The following SMG6 variants were observed in gnomAD, a reference collection of about 807,000 sequenced individuals.
The protein encoded by SMG6 is telomerase-binding protein EST1A.
A neutral mutation model predicts 142.2 loss-of-function variants in SMG6; 66 were observed. The observed-to-expected ratio is 0.46, with a 90% CI of 0.38 to 0.57. The LOEUF is 0.57. SMG6 is among the 20% of genes least tolerant of loss of function. The pLI is 0.00. For synonymous variants in SMG6, 779 were observed against 702.4 expected, an observed-to-expected ratio of 1.11 and a Z score of -1.72; for missense variants, 1,793 against 1,832.0, an observed-to-expected ratio of 0.98 and a Z score of 0.39.
At chr17:2,181,289 C>G (rs550788873) in intron 12 of SMG6, among the ~76,000 whole-genome samples, 190 of 152,310 alleles carry the variant, frequency 1.2e-3, no homozygotes, top group Middle Eastern at 6.8e-3. Flanking sequence ...TCTGAAGACT[C>G]TGAGGTGGGA....
chr17:2,177,065 G>C (rs892962629), intron 12 of SMG6, among the ~76,000 whole-genome samples: 1 of 152,124 alleles, frequency 6.6e-6, no homozygotes, highest in African/African-American at 2.4e-5. Flanking sequence ...GTTGTTTGGG[G>C]GATATTGACT....
chr17:2,158,807 C>T (rs1294090899), intron 13 of SMG6, among the ~76,000 whole-genome samples: 1 of 145,272 alleles, frequency 6.9e-6, no homozygotes, highest in Non-Finnish European at 1.5e-5. Flanking sequence ...GTCCCAGCTA[C>T]TGGGGAGGCT....
At chr17:2,283,016 CA>C (rs1204992522) in intron 7 of SMG6, among the ~76,000 whole-genome samples, 157 bp from the exon 8 acceptor site, 1 of 151,982 alleles carries the variant, frequency 6.6e-6, no homozygotes, top group Non-Finnish European at 1.5e-5. Context: ...ACTAAAAATA[CA>C]AAATTAGCTG....
chr17:2,168,066 C>T (rs1161967677), intron 13 of SMG6, among the ~76,000 whole-genome samples: 2 of 152,174 alleles, frequency 1.3e-5, no homozygotes, highest in Middle Eastern at 3.2e-3. Flanking sequence ...CAAGGCCTCA[C>T]TATGTCACCC....
rs575346029 is a variant in SMG6, at chr17:2,205,428, T to C, written c.2870-16913A>G. Among the ~76,000 whole-genome samples, 10 of 152,308 alleles carry C rather than the reference T, an allele frequency of 6.6e-5. No individual in the cohort carries two copies. In the South Asian group the frequency reaches 2.1e-3, roughly 32 times the overall value. ...AGATTAAAATTTTTTATATTTACTC[T>C]TTTATACCACAATTCACAAAAGATT... On this transcript the variant is annotated intron_variant, in intron 10 of 18. Transcript: ENST00000263073.
chr17:2,254,353 G>C (rs1444052457), intron 8 of SMG6, among the ~76,000 whole-genome samples: 2 of 152,140 alleles, frequency 1.3e-5, no homozygotes, highest in East Asian at 3.9e-4. Context: ...TGTTGTTGTT[G>C]AGACAGAGTC....
chr17:2,203,565 A>G (rs990446935), intron 10 of SMG6, among the ~76,000 whole-genome samples: 10 of 152,258 alleles, frequency 6.6e-5, no homozygotes, highest in South Asian at 2.1e-4. Context: ...GGTAGTCCCT[A>G]TGGAATCCCA....
rs1263864250 is a variant in SMG6, at chr17:2,144,074, T to G, written c.3357+28584A>C. 8.6e-5 allele frequency among the ~76,000 whole-genome samples: 6 copies of G among 70,040 alleles called. No homozygotes were observed. The East Asian group carries it at 2.8e-3, about 33-fold the overall frequency. The allele number at this position is 70,040 out of a possible 152,430, so 45.9% of individuals were successfully genotyped here. A position where few individuals can be genotyped will look rare whatever the true frequency, so the allele number is the denominator to read the frequency against. ...CTTTTTTTTTTTTTTTTTTTTTTTT[T>G]TGAGATGCAGTTTCACTCTTGTTGC... On this transcript the variant is annotated intron_variant, in intron 13 of 18. Transcript: ENST00000263073.
chr17:2,208,458 C>G (rs527822592), intron 10 of SMG6, among the ~76,000 whole-genome samples: 1 of 152,326 alleles, frequency 6.6e-6, no homozygotes, highest in Non-Finnish European at 1.5e-5. Flanking sequence ...CTAGAAATCC[C>G]AACAGGGAGG....
At position 2,172,772 on chromosome 17, in the gene SMG6, G is replaced by A. The variant is rs1203075629; in HGVS notation, c.3243C>T (p.Asp1081=). 1 of 1,614,140 alleles carries A rather than the reference G, an allele frequency of 6.2e-7. No homozygotes were observed. The highest frequency in any genetic ancestry group is 2.2e-5 in the East Asian group (1 of 44,870). ...VNQSEVPLYK[D]PDDDLTLLIL... ...TAAGAAGGGTGAGGTCATCATCCGG[G>A]TCCTTGTACAGTGGCACCTCAGACT... Residue 1081 remains aspartate (D), a synonymous_variant, in exon 13 of 19, where the codon GAC becomes GAT. Coordinates refer to ENST00000263073, the MANE Select transcript of SMG6 (RefSeq NM_017575.5).
chr17:2,159,935 T>C (rs2071123161), intron 13 of SMG6, among the ~76,000 whole-genome samples: 1 of 152,204 alleles, frequency 6.6e-6, no homozygotes, highest in South Asian at 2.1e-4. Flanking sequence ...TGATTCCATG[T>C]ATATGAAATT....
At chr17:2,128,355 T>C (rs1308172876) in intron 13 of SMG6, among the ~76,000 whole-genome samples, 4 of 152,332 alleles carry the variant, frequency 2.6e-5, no homozygotes, top group Non-Finnish European at 4.4e-5. Context: ...CCGCATTTCA[T>C]GTGTTCAACA....
At position 2,189,273 on chromosome 17, in the gene SMG6, A is replaced by G. The variant is rs572148601; in HGVS notation, c.2870-758T>C. ...TTCCTTCTGGCTCCAGGTCACCGAA[A>G]GGAGCCATCTTTTTGGTGGGCAGAA... On this transcript the variant is annotated intron_variant, in intron 10 of 18. Transcript: ENST00000263073. 5.3e-5 allele frequency among the ~76,000 whole-genome samples: 8 copies of G among 152,286 alleles called. No individual in the cohort carries two copies. The South Asian group carries it at 1.7e-3, about 32-fold the overall frequency.
chr17:2,130,770 G>C (rs2070094824), intron 13 of SMG6, among the ~76,000 whole-genome samples: 1 of 150,400 alleles, frequency 6.6e-6, no homozygotes, highest in Non-Finnish European at 1.5e-5. Context: ...ACATCAAATA[G>C]GCCAGGCGGG....
chr17:2,276,663 G>T (rs1022319485), intron 8 of SMG6, among the ~76,000 whole-genome samples: 1 of 152,216 alleles, frequency 6.6e-6, no homozygotes, highest in African/African-American at 2.4e-5. Flanking sequence ...TGGGATTACA[G>T]GCGTAAGCCA....
At chr17:2,291,309 C>T (rs1042788025) in intron 6 of SMG6, among the ~76,000 whole-genome samples, 15 of 149,486 alleles carry the variant, frequency 1.0e-4, no homozygotes, top group African/African-American at 2.5e-4. Context: ...CCAGCCTGAG[C>T]GACAGAGCGA....
intron 11 of SMG6, 34 bp from the exon 12 acceptor site, chr17:2,186,865 T>G (rs552558800): frequency 5.6e-6 from 9 of 1,607,970 alleles, no homozygotes; most frequent in Non-Finnish European, 7.6e-6. Flanking sequence ...TGGGCCTATG[T>G]CTGCTGTAGC....
intron 18 of SMG6, among the ~76,000 whole-genome samples, chr17:2,064,772 G>A (rs1020297036): frequency 6.6e-6 from 1 of 151,662 alleles, no homozygotes; most frequent in South Asian, 2.1e-4. Flanking sequence ...GCTGTCAGAC[G>A]GAACTCACTG....
chr17:2,166,308 T>C (rs1451864721), intron 13 of SMG6, among the ~76,000 whole-genome samples: 2 of 152,030 alleles, frequency 1.3e-5, no homozygotes, highest in Non-Finnish European at 2.9e-5. Flanking sequence ...GTGACCAGCA[T>C]CAAATCGTAG....
Sources: allele counts gnomAD v4.1 joint callset (sites outside exome capture counted in the v4.1 genomes callset), GRCh38; gene constraint gnomAD v4.1.1; transcripts MANE v1.5; gene names NCBI Gene and HGNC (gene_info 2026-07-23, HGNC 2026-07-21).